Variants in KCNIP4 observed in about 807,000 individuals in gnomAD.
KCNIP4 encodes Kv channel-interacting protein 4.
In KCNIP4, 12 loss-of-function variants were observed where a neutral mutation model predicts 34.0. The observed-to-expected ratio is 0.35, with a 90% CI of 0.23 to 0.57. KCNIP4 has a LOEUF of 0.57. KCNIP4 is among the 20% of genes least tolerant of loss of function. KCNIP4 has a pLI of 0.83. For missense variants in KCNIP4, 238 were observed against 311.7 expected (o/e 0.76, Z 1.78); for synonymous variants, 124 against 102.2 (o/e 1.21, Z -1.29).
At chr4:21,058,069 G>A (rs1054811115) in intron 1 of KCNIP4, among the ~76,000 whole-genome samples, 13 of 152,084 alleles carry the variant, frequency 8.5e-5, no homozygotes, top group Admixed American at 7.2e-4. Context: ...TCAGTGCTTG[G>A]CCAGTATATA....
intron 1 of KCNIP4, among the ~76,000 whole-genome samples, chr4:20,971,811 T>C (rs979799493): frequency 1.3e-5 from 2 of 152,240 alleles, no homozygotes; most frequent in Non-Finnish European, 2.9e-5. Flanking sequence ...AGATTTCTCT[T>C]TAGCATATGA....
chr4:21,559,504 C>A (rs990220496), intron 1 of KCNIP4, among the ~76,000 whole-genome samples: 1 of 152,032 alleles, frequency 6.6e-6, no homozygotes, highest in Non-Finnish European at 1.5e-5. Context: ...GGCATCTGTC[C>A]CTTAAGGAGT....
chr4:21,466,138 G>C (rs1379548950), intron 1 of KCNIP4, among the ~76,000 whole-genome samples: 1 of 152,122 alleles, frequency 6.6e-6, no homozygotes, highest in Admixed American at 6.6e-5. Flanking sequence ...CCTCAGGCCT[G>C]TCCTGCCTAG....
rs1271533812 is a variant in KCNIP4 at position 20,863,146 on chromosome 4, G to A, written c.164-12479C>T. On this transcript the variant is annotated intron_variant, in intron 2 of 8. Transcript: ENST00000382152. ...GCAAAGCCAGCTTTGTGGGAGACCC[G>A]AGTTTTATTGTTACTCAAATCAGTC... Among the ~76,000 whole-genome samples, 4 of 152,104 alleles carry A rather than the reference G, an allele frequency of 2.6e-5. No homozygotes were observed. In the South Asian group the frequency reaches 6.2e-4, roughly 24 times the overall value.
At chr4:21,109,042 G>T (rs947434384) in intron 1 of KCNIP4, among the ~76,000 whole-genome samples, 1 of 152,106 alleles carries the variant, frequency 6.6e-6, no homozygotes, top group Non-Finnish European at 1.5e-5. Flanking sequence ...CTGCTCGGGG[G>T]TCAGGGGTCA....
At chr4:21,363,953 G>A (rs556270180) in intron 1 of KCNIP4, among the ~76,000 whole-genome samples, 120 of 152,232 alleles carry the variant, frequency 7.9e-4, no homozygotes, top group Non-Finnish European at 2.9e-4. Context: ...TGAGCCCCAA[G>A]ATATCTGATA....
chr4:21,239,854 C>T (rs1381595075), intron 1 of KCNIP4, among the ~76,000 whole-genome samples: 2 of 152,068 alleles, frequency 1.3e-5, no homozygotes, highest in Admixed American at 6.5e-5. Context: ...TACCATTTGA[C>T]CCAGCCATCC....
chr4:21,220,562 A>AAAT (rs931905275), intron 1 of KCNIP4, among the ~76,000 whole-genome samples: 17 of 151,626 alleles, frequency 1.1e-4, no homozygotes, highest in South Asian at 2.1e-4. Flanking sequence ...GTATAATAAT[A>AAAT]AATAATAATA....
At chr4:21,050,248 T>C (rs1411369356) in intron 1 of KCNIP4, among the ~76,000 whole-genome samples, 1 of 152,214 alleles carries the variant, frequency 6.6e-6, no homozygotes, top group African/African-American at 2.4e-5. Context: ...TGCAAAAGGA[T>C]TGGATCATGG....
intron 1 of KCNIP4, among the ~76,000 whole-genome samples, chr4:21,320,431 C>G (rs973546855): frequency 2.6e-5 from 4 of 152,084 alleles, no homozygotes; most frequent in Non-Finnish European, 5.9e-5. Flanking sequence ...AGGTGAGCTC[C>G]AAGTGTATAA....
chr4:20,950,075 T>A (rs1732618122), intron 1 of KCNIP4, among the ~76,000 whole-genome samples: 1 of 150,352 alleles, frequency 6.7e-6, no homozygotes, highest in South Asian at 2.1e-4. Flanking sequence ...CTATACAATT[T>A]TACAAAGCAA....
intron 1 of KCNIP4, among the ~76,000 whole-genome samples, chr4:21,107,901 C>T (rs28871997): frequency 0.28 from 42,186 of 150,628 alleles, 6,726 homozygotes; most frequent in African/African-American, 0.41. Context: ...TAAAAATTCT[C>T]TCCTTTAAAA....
At chr4:21,220,352 T>A (rs1440994906) in intron 1 of KCNIP4, among the ~76,000 whole-genome samples, 1 of 152,100 alleles carries the variant, frequency 6.6e-6, no homozygotes, top group Non-Finnish European at 1.5e-5. Flanking sequence ...AGAACGAGGT[T>A]CAGGAATTCT....
chr4:21,803,588 C>T (rs934129163), intron 1 of KCNIP4, among the ~76,000 whole-genome samples: 1 of 152,146 alleles, frequency 6.6e-6, no homozygotes, highest in Non-Finnish European at 1.5e-5. Context: ...TTACCCTGCC[C>T]TCTATTGCTA....
intron 1 of KCNIP4, among the ~76,000 whole-genome samples, chr4:21,085,543 G>C (rs1383493641): frequency 6.6e-6 from 1 of 152,068 alleles, no homozygotes; most frequent in Non-Finnish European, 1.5e-5. Context: ...CATGGTTTTA[G>C]AGCTGATGTC....
chr4:20,840,038 A>C (rs1043374583), intron 3 of KCNIP4, among the ~76,000 whole-genome samples: 1 of 152,164 alleles, frequency 6.6e-6, no homozygotes, highest in Non-Finnish European at 1.5e-5. Flanking sequence ...AATATGGTTT[A>C]TGTTGAACAT....
chr4:20,974,408 G>A (rs1735281226), intron 1 of KCNIP4, among the ~76,000 whole-genome samples: 1 of 151,882 alleles, frequency 6.6e-6, no homozygotes, highest in African/African-American at 2.4e-5. Context: ...TGGTATAAAA[G>A]AGAGGGTGGG....
chr4:21,658,391 A>G (rs1470864242), intron 1 of KCNIP4, among the ~76,000 whole-genome samples: 1 of 152,122 alleles, frequency 6.6e-6, no homozygotes, highest in Non-Finnish European at 1.5e-5. Flanking sequence ...ATCACATCAC[A>G]TCACATCACA....
chr4:21,336,874 G>T (rs35684144), intron 1 of KCNIP4, among the ~76,000 whole-genome samples: 1 of 151,924 alleles, frequency 6.6e-6, no homozygotes. Flanking sequence ...ACACACATAC[G>T]CAACTTTAAC....
Sources: allele counts gnomAD v4.1 joint callset (sites outside exome capture counted in the v4.1 genomes callset), GRCh38; gene constraint gnomAD v4.1.1; transcripts MANE v1.5; gene names NCBI Gene and HGNC (gene_info 2026-07-23, HGNC 2026-07-21).